The following NT5DC1 variants were observed in gnomAD, a reference collection of about 807,000 sequenced individuals.
NT5DC1 encodes the protein 5'-nucleotidase domain containing 1, also known as 5'-nucleotidase domain-containing protein 1.
A neutral mutation model predicts 59.4 loss-of-function variants in NT5DC1; 42 were observed. The observed-to-expected ratio is 0.71, with a 90% CI of 0.55 to 0.92. NT5DC1 has a LOEUF of 0.92. Ranked by LOEUF, NT5DC1 falls within the 40% of genes least tolerant of loss-of-function variation. The pLI, the probability that NT5DC1 is intolerant of heterozygous loss-of-function variation, is 0.00. For synonymous variants in NT5DC1, 172 were observed against 188.1 expected, an observed-to-expected ratio of 0.91 and a Z score of 0.70; for missense variants, 501 against 537.1, an observed-to-expected ratio of 0.93 and a Z score of 0.66.
intron 6 of NT5DC1, among the ~76,000 whole-genome samples, chr6:116,143,429 G>A (rs1582831293): frequency 6.6e-6 from 1 of 152,100 alleles, no homozygotes; most frequent in East Asian, 1.9e-4. Context: ...GGCCAGGATG[G>A]TCTTGATCTC....
intron 6 of NT5DC1, among the ~76,000 whole-genome samples, chr6:116,180,764 C>G (rs1780856316): frequency 6.6e-6 from 1 of 151,864 alleles, no homozygotes; most frequent in Non-Finnish European, 1.5e-5. Context: ...GGAAATGACC[C>G]AATTTCATCA....
At chr6:116,232,840 A>G (rs979969317) in intron 8 of NT5DC1, among the ~76,000 whole-genome samples, 9 of 152,236 alleles carry the variant, frequency 5.9e-5, no homozygotes, top group African/African-American at 2.2e-4. Context: ...CATTGTAGTA[A>G]GACATAGCTA....
At chr6:116,239,726 T>C (rs1170639141) in intron 11 of NT5DC1, among the ~76,000 whole-genome samples, 1 of 152,188 alleles carries the variant, frequency 6.6e-6, no homozygotes, top group African/African-American at 2.4e-5. Context: ...TAGAAACAAA[T>C]ATAGATTCTC....
chr6:116,136,850 A>G (rs1011039531), intron 6 of NT5DC1, among the ~76,000 whole-genome samples: 4 of 152,220 alleles, frequency 2.6e-5, no homozygotes, highest in African/African-American at 9.6e-5. Context: ...TTAGTCACAA[A>G]TGCAAAAATC....
chr6:116,163,022 G>A (rs1441419327), intron 6 of NT5DC1, among the ~76,000 whole-genome samples: 1 of 150,930 alleles, frequency 6.6e-6, no homozygotes, highest in Non-Finnish European at 1.5e-5. Flanking sequence ...AGCTACTCAG[G>A]AAGCTGAGGC....
intron 6 of NT5DC1, 55 bp downstream of exon 6, chr6:116,118,000 T>C: frequency 1.1e-6 from 1 of 883,478 alleles, no homozygotes; most frequent in South Asian, 1.3e-5. Flanking sequence ...TATGTTTGTC[T>C]AGTGAATTAG....
intron 5 of NT5DC1, among the ~76,000 whole-genome samples, chr6:116,116,054 A>AT (rs1201002154): frequency 1.3e-5 from 2 of 151,900 alleles, no homozygotes; most frequent in African/African-American, 4.8e-5. Flanking sequence ...TGGACAAAAC[A>AT]TTTTTTTTAG....
At chr6:116,202,617 T>C (rs1180658845) in intron 6 of NT5DC1, among the ~76,000 whole-genome samples, 1 of 152,004 alleles carries the variant, frequency 6.6e-6, no homozygotes, top group Non-Finnish European at 1.5e-5. Context: ...TTAGATTGAG[T>C]GGTATTTACA....
rs752328564 is a variant in NT5DC1 at position 116,125,430 on chromosome 6, G to A, written c.529+7485G>A. On this transcript the variant is annotated intron_variant, in intron 6 of 11. Transcript: ENST00000319550. ...CTGTGGGCATTTGGTATCGTTCAGC[G>A]TAAAACACTCCATGAACCAAGTTCA... The A allele has an allele frequency of 2.1e-5, 34 of 1,613,648 alleles. No individual in the cohort carries two copies. In the East Asian group the frequency reaches 4.2e-4, roughly 20 times the overall value.
chr6:116,130,056 C>CAG (rs1779422990), intron 6 of NT5DC1, among the ~76,000 whole-genome samples: 1 of 152,022 alleles, frequency 6.6e-6, no homozygotes, highest in Non-Finnish European at 1.5e-5. Flanking sequence ...TGGTAATTGC[C>CAG]TACAGTCAAT....
chr6:116,233,471 G>A (rs984646905), intron 8 of NT5DC1, among the ~76,000 whole-genome samples: 4 of 152,152 alleles, frequency 2.6e-5, no homozygotes, highest in East Asian at 1.9e-4. Flanking sequence ...AGAATTGTTC[G>A]TTTGCGGGTG....
intron 6 of NT5DC1, among the ~76,000 whole-genome samples, chr6:116,179,869 G>A (rs574551317): frequency 6.6e-6 from 1 of 152,222 alleles, no homozygotes; most frequent in South Asian, 2.1e-4. Context: ...TTGATGTCAT[G>A]AAAATCACTC....
At chr6:116,165,342 C>T (rs529694871) in intron 6 of NT5DC1, among the ~76,000 whole-genome samples, 47 of 152,250 alleles carry the variant, frequency 3.1e-4, no homozygotes, top group African/African-American at 1.1e-3. Context: ...TCATATCTCA[C>T]TGGTGTTCTG....
intron 6 of NT5DC1, among the ~76,000 whole-genome samples, chr6:116,130,809 T>A (rs964854302): frequency 3.3e-5 from 5 of 152,156 alleles, no homozygotes; most frequent in African/African-American, 1.2e-4. Flanking sequence ...AATATAGTTA[T>A]TCATTTGTTT....
At chr6:116,116,689 A>G (rs955227519) in intron 5 of NT5DC1, among the ~76,000 whole-genome samples, 2 of 152,076 alleles carry the variant, frequency 1.3e-5, no homozygotes, top group African/African-American at 4.8e-5. Flanking sequence ...AACCCAGGTA[A>G]TGCTTTATTT....
intron 8 of NT5DC1, among the ~76,000 whole-genome samples, chr6:116,230,231 TC>T (rs1781991808): frequency 6.6e-6 from 1 of 152,194 alleles, no homozygotes; most frequent in Non-Finnish European, 1.5e-5. Flanking sequence ...ATTTCCCACA[TC>T]TTTTTTTATT....
intron 8 of NT5DC1, among the ~76,000 whole-genome samples, chr6:116,226,673 G>C (rs759885867): frequency 5.9e-5 from 9 of 151,918 alleles, no homozygotes; most frequent in Non-Finnish European, 8.8e-5. Context: ...CTCATCAAAA[G>C]ACTTGAAAGT....
chr6:116,145,468 A>C (rs1341660581), intron 6 of NT5DC1: 1 of 385,032 alleles, frequency 2.6e-6, no homozygotes, highest in African/African-American at 2.0e-5. Flanking sequence ...TTGCTTCAGG[A>C]TATATCTACA....
chr6:116,172,363 C>T (rs1206113871), intron 6 of NT5DC1, among the ~76,000 whole-genome samples: 2 of 145,330 alleles, frequency 1.4e-5, no homozygotes. Flanking sequence ...GCTCTGTTGC[C>T]CAGGCTGGAG....
Sources: gnomAD v4.1 joint callset for allele counts (sites outside exome capture counted in the v4.1 genomes callset) on GRCh38, gnomAD v4.1.1 for gene constraint, MANE v1.5 for transcripts, NCBI Gene and HGNC (gene_info 2026-07-23, HGNC 2026-07-21) for gene names.